GTF2IRD2B: variants seen among roughly 807,000 people sequenced by gnomAD.
The protein encoded by GTF2IRD2B is general transcription factor II-I repeat domain-containing protein 2B.
Under a neutral mutation model 55.6 loss-of-function variants are expected in GTF2IRD2B, and 10 were observed. That is an observed-to-expected ratio of 0.18 (90% confidence interval 0.11 to 0.31). GTF2IRD2B has a LOEUF of 0.31. GTF2IRD2B is among the 10% of genes least tolerant of loss of function. The pLI, the probability that GTF2IRD2B is intolerant of heterozygous loss-of-function variation, is 1.00. For missense variants in GTF2IRD2B, 206 were observed against 802.7 expected, an observed-to-expected ratio of 0.26 and a Z score of 8.98; for synonymous variants, 107 against 320.5, an observed-to-expected ratio of 0.33 and a Z score of 7.12.
chr7:75,103,054 G>A (rs1414236603), intron 1 of GTF2IRD2B, among the ~76,000 whole-genome samples: 3 of 151,496 alleles, frequency 2.0e-5, no homozygotes, highest in African/African-American at 7.3e-5. Context: ...GAGGCGTGTG[G>A]ATCAACTGAG....
intron 3 of GTF2IRD2B, among the ~76,000 whole-genome samples, chr7:75,116,364 A>ACCTC (rs1554451343): frequency 2.0e-5 from 3 of 151,490 alleles, no homozygotes; most frequent in Non-Finnish European, 4.4e-5. Flanking sequence ...TCCTTTGCAG[A>ACCTC]TTGTTCATTG....
chr7:75,117,988 C>A (rs1272814060), intron 3 of GTF2IRD2B, among the ~76,000 whole-genome samples: 2 of 141,206 alleles, frequency 1.4e-5, no homozygotes, highest in East Asian at 4.1e-4. Context: ...GAGGCTGAGG[C>A]AGGAGAATCA....
intron 4 of GTF2IRD2B, among the ~76,000 whole-genome samples, chr7:75,122,314 C>T (rs1161899282): frequency 5.0e-5 from 7 of 140,250 alleles, no homozygotes; most frequent in South Asian, 2.1e-4. Flanking sequence ...AAAAAAAATA[C>T]GCTGGGCATG....
intron 8 of GTF2IRD2B, among the ~76,000 whole-genome samples, chr7:75,127,023 AC>A (rs1471561994): frequency 0.52 from 67,593 of 130,502 alleles, 19,443 homozygotes; most frequent in East Asian, 0.91. Flanking sequence ...AAAAACAAAA[AC>A]AAAAAAAACA....
chr7:75,121,251 G>A (rs1224421087), intron 4 of GTF2IRD2B, among the ~76,000 whole-genome samples: 8 of 151,222 alleles, frequency 5.3e-5, no homozygotes, highest in African/African-American at 1.7e-4. Flanking sequence ...TGGCCAGGCT[G>A]GTCTCAAACT....
intron 8 of GTF2IRD2B, among the ~76,000 whole-genome samples, chr7:75,130,213 G>T (rs1554452829): frequency 7.2e-5 from 4 of 55,678 alleles, no homozygotes; most frequent in African/African-American, 2.3e-4. Flanking sequence ...TTTCTTTCTT[G>T]TCTTGCCAGG....
chr7:75,092,860 G>A (rs1361641124), intron 1 of GTF2IRD2B, 95 bp downstream of exon 1: 4 of 152,942 alleles, frequency 2.6e-5, no homozygotes, highest in Non-Finnish European at 4.4e-5. Flanking sequence ...CTGGGGAAGG[G>A]AGGCCGCCCG....
chr7:75,138,804 T>G, intron 11 of GTF2IRD2B, 146 bp from the exon 12 acceptor site: 1 of 39,006 alleles, frequency 2.6e-5, no homozygotes, highest in African/African-American at 1.4e-4. Context: ...CCAGCCTGAA[T>G]GACAGAGTAA....
At chr7:75,123,897 G>C (rs1554452262) in intron 6 of GTF2IRD2B, 1 of 339,200 alleles carries the variant, frequency 2.9e-6, no homozygotes, top group South Asian at 2.4e-5. Flanking sequence ...AACAAAACTT[G>C]AATTTGGGTG....
chr7:75,123,180 A>G lies in GTF2IRD2B; in HGVS notation c.403A>G (p.Lys135Glu), dbSNP rs782145029. The G allele has an allele frequency of 3.9e-6, 6 of 1,538,380 alleles. No homozygotes were observed. In the East Asian group the frequency reaches 1.4e-4, roughly 35 times the overall value. The change falls in exon 5 of 16, where the codon AAG (lysine) becomes GAG (glutamate). Residue 135 changes from lysine (K) to glutamate (E), a missense_variant. By Grantham distance (56) the Lys-to-Glu change is moderately conservative. Transcript: ENST00000472837. The part of the protein sequence containing the change: ...TTVMVPVPYE[K>E]MLRDQSAVVV... ...AGTGATGGTGCCTGTTCCCTATGAGAAGATGCTGCGAGACCAGTCGGCTGT... is the reference window on the plus strand; with the variant it reads ...AGTGATGGTGCCTGTTCCCTATGAGGAGATGCTGCGAGACCAGTCGGCTGT...
At chr7:75,123,625 C>A in intron 6 of GTF2IRD2B, 109 bp downstream of exon 6, 1 of 559,780 alleles carries the variant, frequency 1.8e-6, no homozygotes, top group South Asian at 2.0e-5. Flanking sequence ...CCTGTAATCC[C>A]AGCACTTTGG....
intron 1 of GTF2IRD2B, among the ~76,000 whole-genome samples, chr7:75,102,533 G>A (rs1554449638): frequency 6.6e-6 from 1 of 151,420 alleles, no homozygotes; most frequent in African/African-American, 2.4e-5. Flanking sequence ...AGGTGTAGTG[G>A]CTCGCAGCTG....
intron 3 of GTF2IRD2B, among the ~76,000 whole-genome samples, chr7:75,113,640 CA>C (rs1808037211): frequency 6.7e-6 from 1 of 150,036 alleles, no homozygotes; most frequent in African/African-American, 2.5e-5. Context: ...CAAGACAAAA[CA>C]AAACTAGACA....
At chr7:75,127,024 CA>C (rs1327743794) in intron 8 of GTF2IRD2B, among the ~76,000 whole-genome samples, 4,022 of 74,646 alleles carry the variant, frequency 0.054, 213 homozygotes, top group East Asian at 0.11. Context: ...AAAACAAAAA[CA>C]AAAAAAACAA....
At chr7:75,137,301 C>T (rs1333574087) in intron 11 of GTF2IRD2B, among the ~76,000 whole-genome samples, 1 of 150,072 alleles carries the variant, frequency 6.7e-6, no homozygotes, top group African/African-American at 2.5e-5. Context: ...GGGCCCAATG[C>T]TTTGAGGTGT....
chr7:75,148,955 GCTGT>G lies in GTF2IRD2B; in HGVS notation c.2512_2515del (p.Ser838IlefsTer9). ...AACTCAAGACCGAATTCCAGAAAAGGCTGTCTGATTTCAAACTCTACGAAAGCGA... is the reference window on the plus strand; with the variant it reads ...AACTCAAGACCGAATTCCAGAAAAGGCTGATTTCAAACTCTACGAAAGCGA... On this transcript the variant is annotated frameshift_variant, in exon 16 of 16. Transcript: ENST00000472837. LOFTEE classifies it high-confidence loss of function. 1 of 1,580,998 alleles carries G rather than the reference GCTGT, an allele frequency of 6.3e-7. No homozygotes were observed. Among genetic ancestry groups the G allele is most frequent in the Non-Finnish European group, 8.7e-7 (1 of 1,149,770 alleles).
At chr7:75,104,757 C>T (rs1480262794) in intron 1 of GTF2IRD2B, among the ~76,000 whole-genome samples, 1 of 152,282 alleles carries the variant, frequency 6.6e-6, no homozygotes, top group Non-Finnish European at 1.5e-5. Flanking sequence ...ATCTAGAATG[C>T]TCAAGAAAAG....
intron 3 of GTF2IRD2B, among the ~76,000 whole-genome samples, chr7:75,120,214 C>G (rs1470366621): frequency 2.4e-5 from 2 of 84,226 alleles, no homozygotes; most frequent in Non-Finnish European, 4.6e-5. Flanking sequence ...TTTCTGTGTT[C>G]AAATTACTAT....
rs587665160 is a variant in GTF2IRD2B at position 75,115,432 on chromosome 7, T to A, written c.238+2897T>A. Among the ~76,000 whole-genome samples, 35 of 150,628 alleles carry A rather than the reference T, an allele frequency of 2.3e-4. 1 individual carries two copies. The highest frequency in any genetic ancestry group is 4.9e-4 in the African/African-American group (20 of 41,092). On this transcript the variant is annotated intron_variant, in intron 3 of 15. Coordinates refer to ENST00000472837, the MANE Select transcript of GTF2IRD2B (RefSeq NM_001003795.3). ...GTTCCATATGAATTTTTTTTTATTT[T>A]TTTTTTTTTGAGACAGAATCTCGCT...
Sources: gnomAD v4.1 joint callset for allele counts (sites outside exome capture counted in the v4.1 genomes callset) on GRCh38, gnomAD v4.1.1 for gene constraint, MANE v1.5 for transcripts, NCBI Gene and HGNC (gene_info 2026-07-23, HGNC 2026-07-21) for gene names.